The following GPLD1 variants were observed in gnomAD, a reference collection of about 807,000 sequenced individuals.
GPLD1 encodes the protein phosphatidylinositol-glycan-specific phospholipase D.
GPLD1 carries 84 observed loss-of-function variants against 112.6 expected under a neutral mutation model. The ratio of observed to expected loss-of-function variants is 0.75; its 90% CI spans 0.63 to 0.89. GPLD1 has a LOEUF of 0.89. GPLD1 is among the 40% of genes least tolerant of loss of function. The pLI, the probability that GPLD1 is intolerant of heterozygous loss-of-function variation, is 0.00. For synonymous variants in GPLD1, 386 were observed against 403.8 expected (o/e 0.96, Z 0.53); for missense variants, 1,044 against 1,051.5 (o/e 0.99, Z 0.10).
At chr6:24,433,313 G>T in intron 23 of GPLD1, 50 bp downstream of exon 23, 1 of 1,576,882 alleles carries the variant, frequency 6.3e-7, no homozygotes, top group South Asian at 1.1e-5. Flanking sequence ...TAAACCAAGG[G>T]GCATTGTTTT....
chr6:24,475,965 T>C (rs1261963569), intron 4 of GPLD1, among the ~76,000 whole-genome samples: 1 of 152,146 alleles, frequency 6.6e-6, no homozygotes, highest in Non-Finnish European at 1.5e-5. Context: ...TAATTACTAT[T>C]GGAGCAAAAT....
chr6:24,429,073 G>A lies in GPLD1; in HGVS notation c.2482C>T (p.Leu828Phe). Residue 828 changes from leucine (L) to phenylalanine (F), a missense_variant, in exon 25 of 25, where the codon CTC becomes TTC. Leu to Phe is a conservative substitution (Grantham distance 22, BLOSUM62 0). Coordinates refer to ENST00000230036, the MANE Select transcript of GPLD1 (RefSeq NM_001503.4). ...AAGRSSLGAR[L>F]SGALHVYSLG... ...CTATAGACGTGAAGTGCCCCGGAGA[G>A]TCGGGCTCCCAAAGAACTCCTTCCA... is the stretch of plus-strand genomic sequence containing the variant. 2 of 1,613,868 alleles carry A rather than the reference G, an allele frequency of 1.2e-6. No homozygotes were observed. The highest frequency in any genetic ancestry group is 1.1e-5 in the South Asian group (1 of 91,034).
At chr6:24,456,682 A>G in intron 12 of GPLD1, 45 bp from the exon 13 acceptor site, 1 of 1,369,874 alleles carries the variant, frequency 7.3e-7, no homozygotes, top group Non-Finnish European at 1.0e-6. Flanking sequence ...ACGTAGCATA[A>G]TCAACAAAGC....
chr6:24,466,145 G>T (rs1217876175), intron 10 of GPLD1, among the ~76,000 whole-genome samples: 2 of 152,262 alleles, frequency 1.3e-5, no homozygotes, highest in Non-Finnish European at 2.9e-5. Context: ...AGGAGTTTCA[G>T]GCCAGCCTGG....
intron 24 of GPLD1, among the ~76,000 whole-genome samples, chr6:24,430,009 T>C (rs80325148): frequency 0.031 from 4,561 of 149,508 alleles, 152 homozygotes; most frequent in East Asian, 0.14. Flanking sequence ...GTTTCTTATT[T>C]AATTTTGAAA....
At chr6:24,452,901 G>A (rs1461323604) in intron 14 of GPLD1, among the ~76,000 whole-genome samples, 1 of 152,106 alleles carries the variant, frequency 6.6e-6, no homozygotes, top group East Asian at 1.9e-4. Context: ...TGGAAGTCTA[G>A]GGTTCTCCCC....
At chr6:24,473,466 G>A in intron 6 of GPLD1, 153 bp downstream of exon 6, 2 of 493,288 alleles carry the variant, frequency 4.1e-6, no homozygotes, top group East Asian at 6.1e-5. Context: ...TGTTAAATGA[G>A]GTACATCTCT....
At chr6:24,460,432 G>A (rs182332574) in intron 11 of GPLD1, 33 bp from the exon 12 acceptor site, 193 of 1,607,368 alleles carry the variant, frequency 1.2e-4, no homozygotes, top group East Asian at 9.8e-4. Flanking sequence ...AACTGGTTAC[G>A]ACTGAGAAAA....
chr6:24,494,755 A>C, intron 1 of GPLD1: 3 of 368,774 alleles, frequency 8.1e-6, no homozygotes, highest in Non-Finnish European at 4.7e-6. Context: ...CCCCGGGAGA[A>C]GGTCGCGCCA....
At chr6:24,431,049 A>G (rs959046701) in intron 24 of GPLD1, among the ~76,000 whole-genome samples, 10 of 152,236 alleles carry the variant, frequency 6.6e-5, no homozygotes, top group African/African-American at 2.4e-4. Flanking sequence ...AATTTTAGAT[A>G]TAAGCCAAGC....
intron 10 of GPLD1, among the ~76,000 whole-genome samples, chr6:24,466,428 A>C (rs1763618459): frequency 6.6e-6 from 1 of 152,216 alleles, no homozygotes. Flanking sequence ...CACAGACCCC[A>C]AATATTGCAA....
downstream of GPLD1, chr6:24,425,493 T>A (rs1762203306): frequency 6.6e-6 from 1 of 152,260 alleles, no homozygotes; most frequent in Non-Finnish European, 1.5e-5. Context: ...AAATCAAGTA[T>A]GATTTCAAAA....
intron 12 of GPLD1, among the ~76,000 whole-genome samples, chr6:24,459,739 A>T (rs574433081): frequency 3.9e-5 from 6 of 152,336 alleles, no homozygotes; most frequent in Admixed American, 3.9e-4. Flanking sequence ...TTCATTGATT[A>T]ATTTCATACA....
Position 24,428,846 on chromosome 6 carries a change from T to C in GPLD1, c.*186A>G, listed in dbSNP as rs1762316402. 6.2e-6 allele frequency: 3 copies of C among 485,648 alleles called. No individual in the cohort carries two copies. Among genetic ancestry groups the C allele is most frequent in the Admixed American group, 3.6e-5 (1 of 28,022 alleles). 30.1% of individuals were successfully genotyped at this position (485,648 alleles called of 1,614,324 possible). A position where few individuals can be genotyped will look rare whatever the true frequency, so the allele number is the denominator to read the frequency against. On this transcript the variant is annotated 3_prime_UTR_variant, in exon 25 of 25. Coordinates refer to ENST00000230036, the MANE Select transcript of GPLD1 (RefSeq NM_001503.4). ...ATTTCACATATTTCTGGTGCAGTCATATATTTACTGTATCAGATTTCCAGA... is the reference window on the plus strand; with the variant it reads ...ATTTCACATATTTCTGGTGCAGTCACATATTTACTGTATCAGATTTCCAGA...
intron 2 of GPLD1, among the ~76,000 whole-genome samples, chr6:24,484,401 C>T (rs114693458): frequency 9.9e-5 from 15 of 151,566 alleles, no homozygotes; most frequent in South Asian, 4.2e-4. Context: ...TTTTTAGTGG[C>T]GACAAGGTTT....
chr6:24,480,086 G>A (rs1379969903), intron 2 of GPLD1, 127 bp from the exon 3 acceptor site: 3 of 627,598 alleles, frequency 4.8e-6, no homozygotes, highest in Non-Finnish European at 8.6e-6. Context: ...AGGGAAAAAG[G>A]AAGGAAAGCA....
intron 20 of GPLD1, among the ~76,000 whole-genome samples, chr6:24,441,320 A>G (rs985765064): frequency 2.0e-5 from 3 of 152,166 alleles, no homozygotes; most frequent in Middle Eastern, 3.4e-3. Flanking sequence ...AAAAAAAAAA[A>G]AAGTATATCA....
chr6:24,491,480 C>G (rs1470126939), upstream of GPLD1, among the ~76,000 whole-genome samples: 2 of 152,188 alleles, frequency 1.3e-5, no homozygotes, highest in African/African-American at 4.8e-5. Flanking sequence ...GGGCAGATGG[C>G]TTGAGGCCAG....
At position 24,446,864 on chromosome 6, in the gene GPLD1, C is replaced by G. The variant is rs771144783; in HGVS notation, c.1794G>C (p.Gly598=). 1 of 1,613,848 alleles carries G rather than the reference C, an allele frequency of 6.2e-7. No individual in the cohort carries two copies. The highest frequency in any genetic ancestry group is 2.2e-5 in the East Asian group (1 of 44,850). ...TVDNRTLLLV[G]SPTWKNASRL... ...TGCTGGCATTCTTCCAGGTCGGGCT[C>G]CCAACCAACAGCAAGGTTCTGTTGT... The change falls in exon 18 of 25, where the codon GGG becomes GGC. Residue 598 remains glycine, a synonymous_variant. Coordinates refer to ENST00000230036, the MANE Select transcript of GPLD1 (RefSeq NM_001503.4).
Sources: allele counts gnomAD v4.1 joint callset (sites outside exome capture counted in the v4.1 genomes callset), GRCh38; gene constraint gnomAD v4.1.1; transcripts MANE v1.5; gene names NCBI Gene and HGNC (gene_info 2026-07-23, HGNC 2026-07-21).